ATXN2: variants seen among roughly 807,000 people sequenced by gnomAD.
The protein encoded by ATXN2 is ataxin 2.
Under a neutral mutation model 138.6 loss-of-function variants are expected in ATXN2, and 37 were observed. The observed-to-expected ratio is 0.27, with a 90% CI of 0.21 to 0.35. The LOEUF is 0.35. Ranked by LOEUF, ATXN2 falls within the 10% of genes least tolerant of loss-of-function variation. The probability of loss-of-function intolerance (pLI) is 1.00; values close to 1 mark genes in which losing one functional copy is unlikely to be tolerated. For synonymous variants in ATXN2, 549 were observed against 543.7 expected (o/e 1.01, Z -0.13); for missense variants, 1,216 against 1,480.3 (o/e 0.82, Z 2.93).
chr12:111,598,981 C>CTGCTGCTGCTGCTGT lies in ATXN2; in HGVS notation c.53_54insACAGCAGCAGCAGCA (p.Gln24_Gln28dup). Reference sequence around the variant, plus strand: ...GCTGCTGCTGCTGCTGCTGCTGTTGCTGCTGCTGCTGCTGCTGCTGCTGCT... The same window carrying CTGCTGCTGCTGCTGT: ...GCTGCTGCTGCTGCTGCTGCTGTTGCTGCTGCTGCTGCTGTTGCTGCTGCTGCTGCTGCTGCTGCT... On this transcript the variant is annotated inframe_insertion, in exon 1 of 25. Coordinates refer to ENST00000673436, the MANE Select transcript of ATXN2 (RefSeq NM_001372574.1). The surrounding 1 kb of genome is among the most constrained non-coding windows in gnomAD (Gnocchi z 4.5). 1 of 1,256,214 alleles carries CTGCTGCTGCTGCTGT rather than the reference C, an allele frequency of 8.0e-7. No individual in the cohort carries two copies. Among genetic ancestry groups the CTGCTGCTGCTGCTGT allele is most frequent in the East Asian group, 3.3e-5 (1 of 30,378 alleles). The allele number at this position is 1,256,214 out of a possible 1,614,324, so 77.8% of individuals were successfully genotyped here.
At chr12:111,486,658 C>T in intron 16 of ATXN2, 103 bp downstream of exon 16, 1 of 928,808 alleles carries the variant, frequency 1.1e-6, no homozygotes, top group Non-Finnish European at 1.7e-6. Flanking sequence ...GTTGGTTCAG[C>T]ACACTAAAAC....
chr12:111,452,624 A>G lies in ATXN2; in HGVS notation c.*188T>C. 1 of 656,660 alleles carries G rather than the reference A, an allele frequency of 1.5e-6. No homozygotes were observed. The highest frequency in any genetic ancestry group is 2.6e-6 in the Non-Finnish European group (1 of 382,074). 40.7% of individuals were successfully genotyped at this position (656,660 alleles called of 1,614,324 possible). On this transcript the variant is annotated 3_prime_UTR_variant, in exon 25 of 25. Coordinates refer to ENST00000673436, the MANE Select transcript of ATXN2 (RefSeq NM_001372574.1). ...TATGGAATAGCCCCCAAGTTCCTAA[A>G]TGCCTCTACTCGGTCCAAGTATCTT...
At position 111,553,304 on chromosome 12, in the gene ATXN2, C is replaced by T. The variant is rs1182111040; in HGVS notation, c.349-327G>A. On this transcript the variant is annotated intron_variant, in intron 3 of 24. Coordinates refer to ENST00000673436, the MANE Select transcript of ATXN2 (RefSeq NM_001372574.1). ...CACAGCAGGGTTAACAAGAATACAG[C>T]TATCTGTTGTTATTGGTAGGGGACT... Among the ~76,000 whole-genome samples the T allele has an allele frequency of 3.9e-5, 6 of 152,050 alleles. No individual in the cohort carries two copies. In the East Asian group the frequency reaches 1.2e-3, roughly 29 times the overall value.
chr12:111,490,133 G>A (rs1395190021), intron 14 of ATXN2, among the ~76,000 whole-genome samples: 1 of 151,506 alleles, frequency 6.6e-6, no homozygotes, highest in Admixed American at 6.6e-5. Context: ...CTTGAACCCA[G>A]GAGGCGGAGG....
chr12:111,497,624 AATAT>A (rs935070361), intron 14 of ATXN2, among the ~76,000 whole-genome samples: 1 of 150,786 alleles, frequency 6.6e-6, no homozygotes, highest in African/African-American at 2.4e-5. Context: ...AAGACTAAAA[AATAT>A]ATATATATAT....
At chr12:111,575,998 C>T (rs1415221530) in intron 1 of ATXN2, among the ~76,000 whole-genome samples, 2 of 152,068 alleles carry the variant, frequency 1.3e-5, no homozygotes, top group African/African-American at 2.4e-5. Flanking sequence ...AGGAGAATCA[C>T]TTGAACCTGG....
rs1874787440 is a variant in ATXN2 at position 111,453,058 on chromosome 12, C to G, written c.3440-218G>C. On this transcript the variant is annotated intron_variant, in intron 24 of 24. Transcript: ENST00000673436. The surrounding 1 kb of genome is among the most constrained non-coding windows in gnomAD (Gnocchi z 5.4). ...ACGTAAAACCACTTCAGATAAAACT[C>G]CCAGAAGACTTGTTCATGGGGTAGA... The G allele has an allele frequency of 7.7e-7, 1 of 1,293,048 alleles. No homozygotes were observed. Among genetic ancestry groups the G allele is most frequent in the Non-Finnish European group, 9.8e-7 (1 of 1,022,748 alleles). The allele number at this position is 1,293,048 out of a possible 1,614,324, so 80.1% of individuals were successfully genotyped here. A position where few individuals can be genotyped will look rare whatever the true frequency, so the allele number is the denominator to read the frequency against.
At chr12:111,594,469 G>T (rs1407995710) in intron 1 of ATXN2, among the ~76,000 whole-genome samples, 2 of 152,032 alleles carry the variant, frequency 1.3e-5, no homozygotes, top group Non-Finnish European at 2.9e-5. Context: ...CTCCCAAGTA[G>T]CTGGGATTAC....
Position 111,513,083 on chromosome 12 carries a change from T to C in ATXN2, c.1558+274A>G, listed in dbSNP as rs1592850487. On this transcript the variant is annotated intron_variant, in intron 11 of 24. Coordinates refer to ENST00000673436, the MANE Select transcript of ATXN2 (RefSeq NM_001372574.1). The stretch of plus-strand genomic sequence containing the variant: ...TGTATTTATGAACCTTATAGGAATC[T>C]CATCACAATCCCATAATGTAGACTA... 7.9e-6 allele frequency: 3 copies of C among 381,248 alleles called. No homozygotes were observed. The East Asian group carries it at 1.9e-4, about 24-fold the overall frequency. The allele number at this position is 381,248 out of a possible 1,614,324, so 23.6% of individuals were successfully genotyped here. A position where few individuals can be genotyped will look rare whatever the true frequency, so the allele number is the denominator to read the frequency against.
chr12:111,539,037 G>A (rs1009585436), intron 5 of ATXN2, among the ~76,000 whole-genome samples: 4 of 150,232 alleles, frequency 2.7e-5, no homozygotes, highest in African/African-American at 9.7e-5. Context: ...ATCAAAAGAA[G>A]TTTTAGAAAA....
intron 1 of ATXN2, among the ~76,000 whole-genome samples, chr12:111,569,591 C>A (rs950092035): frequency 6.6e-5 from 10 of 152,064 alleles, no homozygotes; most frequent in African/African-American, 2.4e-4. Context: ...GTGGCTCATG[C>A]CTACAGTTCC....
At chr12:111,531,183 G>A (rs1310434535) in intron 5 of ATXN2, among the ~76,000 whole-genome samples, 1 of 152,184 alleles carries the variant, frequency 6.6e-6, no homozygotes, top group Non-Finnish European at 1.5e-5. Context: ...GGGAGGCTGA[G>A]GCGGGTGGAT....
intron 1 of ATXN2, among the ~76,000 whole-genome samples, chr12:111,569,825 T>A (rs1883214640): frequency 6.6e-6 from 1 of 152,056 alleles, no homozygotes; most frequent in African/African-American, 2.4e-5. Context: ...CATGAAGCCA[T>A]GAACAACTAG....
chr12:111,589,151 CTAAAAATA>C (rs905949330), intron 1 of ATXN2, among the ~76,000 whole-genome samples: 5 of 148,958 alleles, frequency 3.4e-5, no homozygotes, highest in Non-Finnish European at 5.9e-5. Flanking sequence ...CCCATCTCTA[CTAAAAATA>C]CAAAAATTAG....
chr12:111,597,946 G>T (rs1292236574), intron 1 of ATXN2: 1 of 1,248,458 alleles, frequency 8.0e-7, no homozygotes, highest in Non-Finnish European at 1.0e-6. Flanking sequence ...CTCCACTGCG[G>T]CCTCGAACAG....
At chr12:111,580,240 G>A (rs552649324) in intron 1 of ATXN2, among the ~76,000 whole-genome samples, 9 of 152,050 alleles carry the variant, frequency 5.9e-5, no homozygotes, top group African/African-American at 9.7e-5. Context: ...CAACACTTTG[G>A]GAGGCCAAGG....
chr12:111,537,596 A>AAG (rs1390819561), intron 5 of ATXN2, among the ~76,000 whole-genome samples: 7 of 150,732 alleles, frequency 4.6e-5, no homozygotes, highest in African/African-American at 1.7e-4. Flanking sequence ...AAAAAAAAAG[A>AAG]AAAAAAAAGG....
intron 1 of ATXN2, among the ~76,000 whole-genome samples, chr12:111,558,840 G>C (rs1254987792): frequency 4.0e-5 from 6 of 151,712 alleles, no homozygotes; most frequent in African/African-American, 7.3e-5. Context: ...AGGGAGAAAT[G>C]AATGGGGTTG....
At chr12:111,549,988 G>A (rs1028151024) in intron 5 of ATXN2, among the ~76,000 whole-genome samples, 3 of 151,284 alleles carry the variant, frequency 2.0e-5, no homozygotes, top group African/African-American at 7.3e-5. Context: ...CTTGAACCCA[G>A]GAGGCAGAGG....
Sources: gnomAD v4.1 joint callset for allele counts (sites outside exome capture counted in the v4.1 genomes callset) on GRCh38, gnomAD v4.1.1 for gene constraint, Gnocchi (gnomAD v3.1) non-coding constraint, MANE v1.5 for transcripts, NCBI Gene and HGNC (gene_info 2026-07-23, HGNC 2026-07-21) for gene names.